Variants in NAGK observed in about 807,000 individuals in gnomAD.
NAGK encodes N-acetyl-D-glucosamine kinase.
NAGK carries 35 observed loss-of-function variants against 42.9 expected under a neutral mutation model. The observed-to-expected ratio is 0.82, with a 90% CI of 0.62 to 1.08. NAGK has a LOEUF of 1.08. Ranked by LOEUF, NAGK falls within the 50% of genes least tolerant of loss-of-function variation. The pLI is 0.00. For synonymous variants in NAGK, 172 were observed against 176.0 expected (o/e 0.98, Z 0.18); for missense variants, 446 against 446.0 (o/e 1.00, Z 0.00).
At chr2:71,075,351 A>G in intron 6 of NAGK, 1 of 546,058 alleles carries the variant, frequency 1.8e-6, no homozygotes, top group South Asian at 2.7e-5. Flanking sequence ...CCTTCAAACT[A>G]ATCTATAAGA....
At chr2:71,077,713 C>T (rs1406567828) in intron 9 of NAGK, 77 bp downstream of exon 9, 61 of 1,490,512 alleles carry the variant, frequency 4.1e-5, no homozygotes, top group Non-Finnish European at 5.0e-5. Context: ...AAGCTTTTTG[C>T]CCCAGAGAGA....
In NAGK at chr2:71,076,653, G is replaced by A. The variant is rs749414256; in HGVS notation, c.717G>A (p.Gly239=). 83 of 1,613,938 alleles carry A rather than the reference G, an allele frequency of 5.1e-5. No individual in the cohort carries two copies. The highest frequency in any genetic ancestry group is 6.9e-5 in the Non-Finnish European group (81 of 1,179,964). Residue 239 remains glycine, a synonymous_variant, in exon 8 of 10, where the codon GGG becomes GGA. Coordinates refer to ENST00000244204, the MANE Select transcript of NAGK (RefSeq NM_017567.6). ...PLSRYIFRKA[G]EMLGRHIVAV... ...CCCGCTATATCTTCAGGAAGGCTGG[G>A]GAGATGCTGGGCAGACACATCGTAG...
chr2:71,073,519 T>C lies in NAGK; in HGVS notation c.504T>C (p.Phe168=). The change falls in exon 6 of 10, where the codon TTT becomes TTC. Residue 168 remains phenylalanine (F), a synonymous_variant. Transcript: ENST00000244204. ...WIAHQAVKIV[F]DSIDNLEAAP... ...CACACCAAGCAGTGAAAATAGTGTT[T>C]GACTCCATTGACAACCTAGAGGCGG... The C allele has an allele frequency of 1.2e-6, 2 of 1,614,172 alleles. No individual in the cohort carries two copies. The highest frequency in any genetic ancestry group is 1.7e-6 in the Non-Finnish European group (2 of 1,180,016).
At position 71,071,752 on chromosome 2, in the gene NAGK, C is replaced by A; in HGVS notation, c.280C>A (p.Arg94=). Residue 94 remains arginine (R), a synonymous_variant, in exon 4 of 10, where the codon CGA becomes AGA. Coordinates refer to ENST00000244204, the MANE Select transcript of NAGK (RefSeq NM_017567.6). The part of the protein sequence containing the change: ...GRILIEELRD[R]FPYLSESYLI... ...GATCCTGATCGAGGAGCTGAGGGAC[C>A]GATTTCCCTACCTGAGTGAAAGCTA... 6.2e-7 allele frequency: 1 copy of A among 1,614,136 alleles called. No homozygotes were observed. Among genetic ancestry groups the A allele is most frequent in the Non-Finnish European group, 8.5e-7 (1 of 1,180,024 alleles).
At chr2:71,068,483 C>G (rs897828565), upstream of NAGK, 20 of 1,416,956 alleles carry the variant, frequency 1.4e-5, no homozygotes, top group Non-Finnish European at 1.8e-5. Flanking sequence ...GAGGAGACAC[C>G]AGAAGGAAGA....
upstream of NAGK, chr2:71,068,498 C>A (rs1199406477): frequency 3.5e-6 from 5 of 1,427,988 alleles, no homozygotes; most frequent in Admixed American, 3.0e-5. Context: ...GGAAGACAGC[C>A]TGAGGGACGC....
At chr2:71,071,868 T>C (rs757675126) in intron 4 of NAGK, 41 bp downstream of exon 4, 4 of 1,609,206 alleles carry the variant, frequency 2.5e-6, no homozygotes, top group Non-Finnish European at 3.4e-6. Flanking sequence ...GAACTGGTTT[T>C]TTTGGGAAAG....
chr2:71,077,445 C>T, intron 8 of NAGK, 113 bp from the exon 9 acceptor site: 3 of 1,000,550 alleles, frequency 3.0e-6, no homozygotes, highest in Non-Finnish European at 3.0e-6. Flanking sequence ...TCTACTGTTT[C>T]TTGGCTTGAG....
At chr2:71,070,478 CA>C (rs756760610) in intron 1 of NAGK, 23 bp from the exon 2 acceptor site, 4 of 1,600,216 alleles carry the variant, frequency 2.5e-6, no homozygotes, top group Non-Finnish European at 3.4e-6. Context: ...CGAGCAAGAT[CA>C]AGTGCCCTCT....
rs1193125586 is a variant in NAGK at position 71,078,344 on chromosome 2, A to G, written c.871A>G (p.Arg291Gly). 3.7e-6 allele frequency: 6 copies of G among 1,614,070 alleles called. No individual in the cohort carries two copies. The Admixed American group carries it at 5.0e-5, about 13-fold the overall frequency. ...TTTTCTTCTGGCGCTGACCCAGGGCAGAGAGATCCAGGCTCAGAACTTCTT... is the reference window on the plus strand; with the variant it reads ...TTTTCTTCTGGCGCTGACCCAGGGCGGAGAGATCCAGGCTCAGAACTTCTT... ...EGFLLALTQG[R>G]EIQAQNFFSS... Residue 291 changes from arginine to glycine, a missense_variant, in exon 10 of 10, where the codon AGA becomes GGA. Physicochemically the swap from Arg to Gly is moderately radical, Grantham distance 125. Transcript: ENST00000244204.
chr2:71,069,473 G>A (rs1023000781), intron 1 of NAGK: 4 of 152,068 alleles, frequency 2.6e-5, no homozygotes, highest in African/African-American at 7.2e-5. Flanking sequence ...CTGTACTTTC[G>A]AATCTGTGAT....
chr2:71,074,139 C>A (rs1191783357), intron 6 of NAGK, among the ~76,000 whole-genome samples: 1 of 152,060 alleles, frequency 6.6e-6, no homozygotes, highest in Non-Finnish European at 1.5e-5. Context: ...TTTAGCGGAA[C>A]CAGAGGTAAA....
intron 2 of NAGK, 39 bp from the exon 3 acceptor site, chr2:71,070,702 T>TTACAAAG (rs1318627895): frequency 1.2e-6 from 2 of 1,613,204 alleles, no homozygotes; most frequent in Non-Finnish European, 8.5e-7. Context: ...ATAGCTTCTG[T>TTACAAAG]AAGCCTTTGT....
chr2:71,071,822 C>T lies in NAGK; in HGVS notation c.350C>T (p.Pro117Leu), dbSNP rs760520349. The part of the protein sequence containing the change: ...DAAGSIATAT[P>L]DGGVVLISGT... Reference sequence around the variant, plus strand: ...GCCGGCTCCATCGCCACAGCTACACCGGATGGTGAGGAAGTGGAGGGAGGG... The same window carrying T: ...GCCGGCTCCATCGCCACAGCTACACTGGATGGTGAGGAAGTGGAGGGAGGG... The change falls in exon 4 of 10, where the codon CCG (proline) becomes CTG (leucine). Residue 117 changes from proline to leucine, a missense_variant. Physicochemically the swap from Pro to Leu is moderately conservative, Grantham distance 98. Coordinates refer to ENST00000244204, the MANE Select transcript of NAGK (RefSeq NM_017567.6). 1.7e-5 allele frequency: 27 copies of T among 1,613,856 alleles called. No homozygotes were observed. In the East Asian group the frequency reaches 1.8e-4, roughly 11 times the overall value.
rs1672322998 is a variant in NAGK, at chr2:71,079,150, GACCAACTAGGTACCGCTC to G, written c.*646_*663del. The stretch of plus-strand genomic sequence containing the variant: ...TATGAGGATGGCTGAGATCCAAGAA[GACCAACTAGGTACCGCTC>G]ACCTCGGTAGCTGACCTATTCCTGG... On this transcript the variant is annotated 3_prime_UTR_variant, in exon 10 of 10. Transcript: ENST00000244204. The G allele has an allele frequency of 6.6e-6, 1 of 152,350 alleles. No homozygotes were observed. The highest frequency in any genetic ancestry group is 6.5e-5 in the Admixed American group (1 of 15,282). 9.4% of individuals were successfully genotyped at this position (152,350 alleles called of 1,614,324 possible).
In NAGK at chr2:71,073,524, C is replaced by G; in HGVS notation, c.509C>G (p.Ser170Cys). The G allele has an allele frequency of 6.2e-7, 1 of 1,614,152 alleles. No homozygotes were observed. Among genetic ancestry groups the G allele is most frequent in the African/African-American group, 1.3e-5 (1 of 75,034 alleles). ...AHQAVKIVFD[S>C]IDNLEAAPHD... is the part of the protein sequence containing the mutation. ...CAAGCAGTGAAAATAGTGTTTGACTCCATTGACAACCTAGAGGCGGCTCCT... is the reference window on the plus strand; with the variant it reads ...CAAGCAGTGAAAATAGTGTTTGACTGCATTGACAACCTAGAGGCGGCTCCT... Residue 170 changes from serine (S) to cysteine (C), a missense_variant, in exon 6 of 10, where the codon TCC (serine) becomes TGC (cysteine). Ser to Cys is a moderately radical substitution (Grantham distance 112). Coordinates refer to ENST00000244204, the MANE Select transcript of NAGK (RefSeq NM_017567.6).
At position 71,070,839 on chromosome 2, in the gene NAGK, G is replaced by T; in HGVS notation, c.213G>T (p.Leu71Phe). ...GVDPLVPLRS[L>F]GLSLSGGDQE... ...ATCCTCTGGTACCGCTGCGAAGCTT[G>T]GTGAGTCTGGGGCGGAGCCTGGGAA... Residue 71 changes from leucine to phenylalanine, a missense_variant and splice_region_variant, in exon 3 of 10, where the codon TTG becomes TTT. By Grantham distance (22) the Leu-to-Phe change is conservative. Transcript: ENST00000244204. 6.2e-7 allele frequency: 1 copy of T among 1,614,178 alleles called. No homozygotes were observed. Among genetic ancestry groups the T allele is most frequent in the Non-Finnish European group, 8.5e-7 (1 of 1,180,018 alleles).
At chr2:71,077,157 G>C (rs1672240777) in intron 8 of NAGK, among the ~76,000 whole-genome samples, 1 of 152,000 alleles carries the variant, frequency 6.6e-6, no homozygotes, top group Non-Finnish European at 1.5e-5. Context: ...TGTATTTTTG[G>C]TTTTGCCATG....
intron 7 of NAGK, chr2:71,076,353 C>T (rs1170562099): frequency 1.8e-5 from 7 of 397,884 alleles, no homozygotes; most frequent in Non-Finnish European, 3.3e-5. Flanking sequence ...TGGGTGCTGC[C>T]CTCCCTTCCT....
Sources: gnomAD v4.1 joint callset for allele counts (sites outside exome capture counted in the v4.1 genomes callset) on GRCh38, gnomAD v4.1.1 for gene constraint, MANE v1.5 for transcripts, NCBI Gene and HGNC (gene_info 2026-07-23, HGNC 2026-07-21) for gene names.